GALNT18: variants seen among roughly 807,000 people sequenced by gnomAD.
GALNT18 encodes polypeptide N-acetylgalactosaminyltransferase 18.
GALNT18 carries 44 observed loss-of-function variants against 69.5 expected under a neutral mutation model. The ratio of observed to expected loss-of-function variants is 0.63; its 90% CI spans 0.50 to 0.81. The LOEUF (loss-of-function observed/expected upper bound fraction) is 0.81. GALNT18 is among the 40% of genes least tolerant of loss of function. The pLI is 0.00. For missense variants in GALNT18, 715 were observed against 810.0 expected, an observed-to-expected ratio of 0.88 and a Z score of 1.42; for synonymous variants, 364 against 318.2, an observed-to-expected ratio of 1.14 and a Z score of -1.53.
rs370228496 is a variant in GALNT18 at position 11,562,307 on chromosome 11, GTGTC to G, written c.235+59048_235+59051del. ...TCTTCACTTCATATGCCCCTAGTGT[GTGTC>G]TGTCTGCGTGTCCATGTTTCCCCTT... On this transcript the variant is annotated intron_variant, in intron 1 of 10. Coordinates refer to ENST00000227756, the MANE Select transcript of GALNT18 (RefSeq NM_198516.3). This position sits in a 1 kb window ranked among gnomAD's most constrained non-coding sequence, Gnocchi z 4.1. Among the ~76,000 whole-genome samples, 160 of 152,260 alleles carry G rather than the reference GTGTC, an allele frequency of 1.1e-3. 1 individual carries two copies. The highest frequency in any genetic ancestry group is 1.4e-3 in the African/African-American group (60 of 41,558).
At chr11:11,342,101 A>G (rs1003331139) in intron 6 of GALNT18, among the ~76,000 whole-genome samples, 1 of 152,108 alleles carries the variant, frequency 6.6e-6, no homozygotes, top group African/African-American at 2.4e-5. Context: ...ACCTGCTTAT[A>G]GGTCAGCCTC....
chr11:11,277,902 A>G (rs922616627), intron 10 of GALNT18, among the ~76,000 whole-genome samples: 2 of 152,122 alleles, frequency 1.3e-5, no homozygotes, highest in African/African-American at 4.8e-5. Context: ...GCAATTGCTG[A>G]GGAGTGTTTT....
intron 10 of GALNT18, among the ~76,000 whole-genome samples, chr11:11,292,239 C>T (rs1214244370): frequency 6.6e-6 from 1 of 152,172 alleles, no homozygotes; most frequent in Non-Finnish European, 1.5e-5. Flanking sequence ...GGGAGGCAGG[C>T]ATCCCTATCT....
At chr11:11,503,154 G>A (rs957845263) in intron 1 of GALNT18, among the ~76,000 whole-genome samples, 2 of 152,180 alleles carry the variant, frequency 1.3e-5, no homozygotes, top group African/African-American at 2.4e-5. Context: ...ACAAAGAATC[G>A]TGAGTGGGGA....
rs1175767321 is a variant in GALNT18 at position 11,358,157 on chromosome 11, C to T, written c.1092+14358G>A. The stretch of plus-strand genomic sequence containing the variant: ...CATAGAGGGCACCTGATCCCATTGT[C>T]TTACCTCAAAGTTTTTTCTTTCTTT... On this transcript the variant is annotated intron_variant, in intron 6 of 10. Coordinates refer to ENST00000227756, the MANE Select transcript of GALNT18 (RefSeq NM_198516.3). Among the ~76,000 whole-genome samples, 5 of 95,892 alleles carry T rather than the reference C, an allele frequency of 5.2e-5. 1 individual carries two copies. Among genetic ancestry groups the T allele is most frequent in the African/African-American group, 1.9e-4 (5 of 26,238 alleles). 62.9% of individuals were successfully genotyped at this position (95,892 alleles called of 152,430 possible). A position where few individuals can be genotyped will look rare whatever the true frequency, so the allele number is the denominator to read the frequency against.
rs1859495530 is a variant in GALNT18, at chr11:11,596,122, A to G, written c.235+25237T>C. ...CATGTAGATATCCAGTTGTTCCAGC[A>G]CCATGTGTTAAAAGACTATTCTTTC... On this transcript the variant is annotated intron_variant, in intron 1 of 10. Transcript: ENST00000227756. This position sits in a 1 kb window ranked among gnomAD's most constrained non-coding sequence, Gnocchi z 4.2. 6.6e-6 allele frequency among the ~76,000 whole-genome samples: 1 copy of G among 152,190 alleles called. No individual in the cohort carries two copies. The highest frequency in any genetic ancestry group is 2.1e-4 in the South Asian group (1 of 4,826).
Position 11,377,128 on chromosome 11 carries a change from G to T in GALNT18, c.977+54C>A. On this transcript the variant is annotated intron_variant, in intron 5 of 10. Coordinates refer to ENST00000227756, the MANE Select transcript of GALNT18 (RefSeq NM_198516.3). The surrounding 1 kb of genome is among the most constrained non-coding windows in gnomAD (Gnocchi z 4.6). ...AGAATAAGCATTGGACCAGTAGGCG[G>T]TCCCTAGCCTGGAGGTCAAAGCGGA... is the stretch of plus-strand genomic sequence containing the variant. 3 of 1,545,608 alleles carry T rather than the reference G, an allele frequency of 1.9e-6. No individual in the cohort carries two copies. Among genetic ancestry groups the T allele is most frequent in the Admixed American group, 1.7e-5 (1 of 59,460 alleles).
intron 3 of GALNT18, among the ~76,000 whole-genome samples, chr11:11,428,465 C>T (rs189993662): frequency 9.2e-5 from 14 of 152,378 alleles, no homozygotes; most frequent in African/African-American, 3.4e-4. Context: ...GCCACTGAGC[C>T]TGCTGCTGCG....
chr11:11,393,969 G>A (rs1246443215), intron 3 of GALNT18, among the ~76,000 whole-genome samples: 1 of 152,206 alleles, frequency 6.6e-6, no homozygotes, highest in African/African-American at 2.4e-5. Context: ...TATTTACTAA[G>A]CACTGGGTGT....
At chr11:11,399,467 GT>G (rs11455241) in intron 3 of GALNT18, among the ~76,000 whole-genome samples, 8 of 152,066 alleles carry the variant, frequency 5.3e-5, no homozygotes, top group Admixed American at 1.3e-4. Flanking sequence ...GCCCAGCATA[GT>G]TTTTTTTATC....
At position 11,586,251 on chromosome 11, in the gene GALNT18, CTTATG is replaced by C. The variant is rs1226983830; in HGVS notation, c.235+35103_235+35107del. On this transcript the variant is annotated intron_variant, in intron 1 of 10. Transcript: ENST00000227756. This position sits in a 1 kb window ranked among gnomAD's most constrained non-coding sequence, Gnocchi z 4.1. Reference sequence around the variant, plus strand: ...GTTCTTTTTCACAAAAAGTGTGCTACTTATGTTAATTTATGTAATTGGGTTTATTA... The same window carrying C: ...GTTCTTTTTCACAAAAAGTGTGCTACTTAATTTATGTAATTGGGTTTATTA... 6.6e-6 allele frequency among the ~76,000 whole-genome samples: 1 copy of C among 152,080 alleles called. No homozygotes were observed. The highest frequency in any genetic ancestry group is 1.5e-5 in the Non-Finnish European group (1 of 68,024).
At chr11:11,451,611 T>G (rs975114203) in intron 1 of GALNT18, among the ~76,000 whole-genome samples, 2 of 152,166 alleles carry the variant, frequency 1.3e-5, no homozygotes, top group African/African-American at 4.8e-5. Flanking sequence ...CGATAGGTCA[T>G]TTCCTTATCG....
rs570015663 is a variant in GALNT18 at position 11,483,842 on chromosome 11, G to A, written c.236-34906C>T. On this transcript the variant is annotated intron_variant, in intron 1 of 10. Coordinates refer to ENST00000227756, the MANE Select transcript of GALNT18 (RefSeq NM_198516.3). Reference sequence around the variant, plus strand: ...TCAATAAATAATGAGCTCAATATCCGTGGGCGAGTTGGTATTTAGGCTCCT... The same window carrying A: ...TCAATAAATAATGAGCTCAATATCCATGGGCGAGTTGGTATTTAGGCTCCT... Among the ~76,000 whole-genome samples, 75 of 152,216 alleles carry A rather than the reference G, an allele frequency of 4.9e-4. 1 individual carries two copies. Among genetic ancestry groups the A allele is most frequent in the South Asian group, 1.9e-3 (9 of 4,822 alleles).
intron 9 of GALNT18, among the ~76,000 whole-genome samples, chr11:11,294,495 A>G (rs375669053): frequency 2.6e-5 from 4 of 152,032 alleles, no homozygotes; most frequent in African/African-American, 9.7e-5. Context: ...CCAACCTCAT[A>G]AGCAAGACTT....
chr11:11,574,973 C>T (rs1858885523), intron 1 of GALNT18, among the ~76,000 whole-genome samples: 1 of 152,172 alleles, frequency 6.6e-6, no homozygotes, highest in Non-Finnish European at 1.5e-5. Context: ...GTTCTTGGAC[C>T]AGGTTTCTTT....
At chr11:11,412,312 A>C (rs749097078) in intron 3 of GALNT18, among the ~76,000 whole-genome samples, 4 of 152,136 alleles carry the variant, frequency 2.6e-5, no homozygotes, top group Non-Finnish European at 4.4e-5. Flanking sequence ...GAATTTGCCA[A>C]AGTGTTTCCC....
intron 1 of GALNT18, among the ~76,000 whole-genome samples, chr11:11,487,256 C>T (rs1856663936): frequency 6.6e-6 from 1 of 152,020 alleles, no homozygotes; most frequent in Non-Finnish European, 1.5e-5. Flanking sequence ...TTTGGGGGCT[C>T]AGGGAGAAAG....
At chr11:11,290,680 C>T (rs10219171) in intron 10 of GALNT18, among the ~76,000 whole-genome samples, 2,877 of 152,314 alleles carry the variant, frequency 0.019, 92 homozygotes, top group African/African-American at 0.064. Context: ...CAATTAAGTA[C>T]ATTGTCTCCT....
In GALNT18 at chr11:11,436,128, G is replaced by A. The variant is rs142475610; in HGVS notation, c.429-3341C>T. ...GTAAGGAAGATGATATGGGGGGATC[G>A]TTTTTGGGAAAGCGTTTGAAGGGGA... On this transcript the variant is annotated intron_variant, in intron 2 of 10. Transcript: ENST00000227756. The surrounding 1 kb of genome is among the most constrained non-coding windows in gnomAD (Gnocchi z 4.5). 6.0e-4 allele frequency among the ~76,000 whole-genome samples: 92 copies of A among 152,318 alleles called. No individual in the cohort carries two copies. The highest frequency in any genetic ancestry group is 5.6e-3 in the East Asian group (29 of 5,178).
Sources: gnomAD v4.1 joint callset for allele counts (sites outside exome capture counted in the v4.1 genomes callset) on GRCh38, gnomAD v4.1.1 for gene constraint, Gnocchi (gnomAD v3.1) non-coding constraint, MANE v1.5 for transcripts, NCBI Gene and HGNC (gene_info 2026-07-23, HGNC 2026-07-21) for gene names.